The following RTL5 variants were observed in gnomAD, a reference collection of about 807,000 sequenced individuals.
RTL5 encodes retrotransposon Gag-like protein 5.
Under a neutral mutation model 7.7 loss-of-function variants are expected in RTL5, and 8 were observed. The ratio of observed to expected loss-of-function variants is 1.04; its 90% CI spans 0.61 to 1.88. The LOEUF (loss-of-function observed/expected upper bound fraction) is 1.88. RTL5 is among the 40% of genes most tolerant of loss of function. The pLI, the probability that RTL5 is intolerant of heterozygous loss-of-function variation, is 0.00. For missense variants in RTL5, 457 were observed against 472.7 expected, an observed-to-expected ratio of 0.97 and a Z score of 0.31; for synonymous variants, 188 against 191.8, an observed-to-expected ratio of 0.98 and a Z score of 0.16.
chrX:72,131,620 TGCG>T, exon 1 of RTL5: 1 of 1,003,408 alleles, frequency 1.0e-6, no homozygotes. Context: ...GAGGCCGAAA[TGCG>T]GCGGCGGGGC....
At chrX:72,129,800 T>C in exon 1 of RTL5, 1 of 1,154,848 alleles carries the variant, frequency 8.7e-7, no homozygotes, top group Non-Finnish European at 1.2e-6. Context: ...AAAAGAAGGG[T>C]GTGTTCTGGG....
At chrX:72,129,655 G>A (rs1008568955) in exon 1 of RTL5, 2 of 477,190 alleles carry the variant, frequency 4.2e-6, no homozygotes, top group African/African-American at 4.8e-5. Flanking sequence ...TTGGGCACAC[G>A]TCGCTCTCTG....
At chrX:72,130,661 T>C in exon 1 of RTL5, 1 of 1,211,916 alleles carries the variant, frequency 8.3e-7, no homozygotes, top group Non-Finnish European at 1.1e-6. Flanking sequence ...AGGTCGGCCA[T>C]TTCTGTTGAC....
chrX:72,129,432 T>G (rs2042260383), exon 1 of RTL5: 1 of 145,245 alleles, frequency 6.9e-6, no homozygotes, highest in African/African-American at 3.1e-5. Flanking sequence ...GAAGTCCTGG[T>G]GGGTCAGTCA....
At chrX:72,127,183 C>A (rs2042234388), downstream of RTL5, 1 of 111,418 alleles carries the variant, frequency 9.0e-6, no homozygotes, top group Non-Finnish European at 1.9e-5. Flanking sequence ...CTTCACAACA[C>A]AGTAATGCAA....
At chrX:72,128,009 T>G (rs2042244726) in exon 1 of RTL5, 1 of 112,325 alleles carries the variant, frequency 8.9e-6, no homozygotes. Context: ...GTCCTCATAG[T>G]TTTCTCTATT....
exon 1 of RTL5, chrX:72,131,190 G>T (rs1262692150): frequency 1.7e-6 from 2 of 1,187,285 alleles, no homozygotes; most frequent in African/African-American, 3.6e-5. Flanking sequence ...GGGGGTCAGC[G>T]GGCCCGTCGG....
chrX:72,130,705 C>A, exon 1 of RTL5: 1 of 1,211,871 alleles, frequency 8.3e-7, no homozygotes, highest in South Asian at 1.8e-5. Flanking sequence ...TTCCGACAGG[C>A]CTTTGAGGAA....
exon 1 of RTL5, chrX:72,131,355 G>A (rs200101086): frequency 1.7e-6 from 2 of 1,207,121 alleles, no homozygotes; most frequent in Non-Finnish European, 2.2e-6. Context: ...CCGCAAGGAC[G>A]GGCACTATGG....
chrX:72,131,507 G>A, exon 1 of RTL5: 3 of 1,196,234 alleles, frequency 2.5e-6, no homozygotes, highest in Non-Finnish European at 3.4e-6. Flanking sequence ...TTCGCCATGC[G>A]GAGGCTGTTG....
At chrX:72,127,883 G>A (rs1490338544) in exon 1 of RTL5, 1 of 112,666 alleles carries the variant, frequency 8.9e-6, no homozygotes, top group East Asian at 2.8e-4. Flanking sequence ...TCAAGAACTG[G>A]CAGGGTGATC....
chrX:72,130,282 C>T lies in RTL5; in HGVS notation c.1259G>A (p.Ser420Asn), dbSNP rs1306396186. 2 of 1,192,523 alleles carry T rather than the reference C, an allele frequency of 1.7e-6. No homozygotes were observed. Among genetic ancestry groups the T allele is most frequent in the African/African-American group, 1.8e-5 (1 of 55,888 alleles). The change falls in exon 1 of 1, where the codon AGT becomes AAT. Residue 420 changes from serine to asparagine, a missense_variant. Physicochemically the swap from Ser to Asn is conservative, Grantham distance 46. Coordinates refer to ENST00000609883, the Ensembl canonical transcript of RTL5. Reference sequence around the variant, plus strand: ...CTCATCTTCATCTTCTTCATCCTTACTCTCTCCTTCCTCCTCATTCTTGTT... The same window carrying T: ...CTCATCTTCATCTTCTTCATCCTTATTCTCTCCTTCCTCCTCATTCTTGTT...
rs762563222 is a variant in RTL5, at chrX:72,129,781, G to T, written c.*50C>A. The T allele has an allele frequency of 8.1e-6, 9 of 1,111,435 alleles. No individual in the cohort carries two copies. The South Asian group carries it at 1.3e-4, about 16-fold the overall frequency. 91.6% of individuals were successfully genotyped at this position (1,111,435 alleles called of 1,213,427 possible). A position where few individuals can be genotyped will look rare whatever the true frequency, so the allele number is the denominator to read the frequency against. ...CAGGTATGGCAGCAATAGCAGGGGC[G>T]GGGGATGCAAAAGAAGGGTGTGTTC... On this transcript the variant is annotated 3_prime_UTR_variant, in exon 1 of 1. Coordinates refer to ENST00000609883, the Ensembl canonical transcript of RTL5.
chrX:72,130,111 G>T lies in RTL5; in HGVS notation c.1430C>A (p.Ala477Glu), dbSNP rs778358543. 4 of 1,211,021 alleles carry T rather than the reference G, an allele frequency of 3.3e-6. No homozygotes were observed. In the South Asian group the frequency reaches 7.0e-5, roughly 21 times the overall value. ...TGTGGGGCCAGAAGTCTGGGATGAC[G>T]CGTGAACAAAGGTCGGCTCCATCTC... The change falls in exon 1 of 1, where the codon GCG (alanine) becomes GAG (glutamate). Residue 477 changes from alanine (A) to glutamate (E), a missense_variant. Transcript: ENST00000609883.
At chrX:72,130,202 TCTC>T (rs1195247036) in exon 1 of RTL5, 1 of 1,210,283 alleles carries the variant, frequency 8.3e-7, no homozygotes, top group Non-Finnish European at 1.1e-6. Context: ...TCACCATAGG[TCTC>T]CTCAGTCCCT....
chrX:72,129,932 G>T, exon 1 of RTL5: 1 of 1,211,148 alleles, frequency 8.3e-7, no homozygotes, highest in African/African-American at 1.7e-5. Flanking sequence ...TGTCCTAAAC[G>T]ACCTGTGCGG....
At chrX:72,129,698 G>T in exon 1 of RTL5, 1 of 641,765 alleles carries the variant, frequency 1.6e-6, no homozygotes, top group Non-Finnish European at 2.3e-6. Context: ...GAATTCTGCA[G>T]GTCTTCTTCA....
At chrX:72,129,919 C>T (rs767201470) in exon 1 of RTL5, 4 of 1,211,046 alleles carry the variant, frequency 3.3e-6, no homozygotes, top group Admixed American at 2.2e-5. Context: ...TCGAACTTGG[C>T]GTTGTCCTAA....
chrX:72,129,187 C>T (rs1233828674), exon 1 of RTL5: 2 of 113,244 alleles, frequency 1.8e-5, no homozygotes, highest in Admixed American at 9.3e-5. Flanking sequence ...GGCAAATCTC[C>T]GTCAAGTTGT....
Sources: gnomAD v4.1 joint callset for allele counts on GRCh38, gnomAD v4.1.1 for gene constraint, MANE v1.5 for transcripts, NCBI Gene and HGNC (gene_info 2026-07-23, HGNC 2026-07-21) for gene names.